STAU1: variants seen among roughly 807,000 people sequenced by gnomAD.
The protein encoded by STAU1 is double-stranded RNA-binding protein Staufen homolog 1.
In STAU1, 13 loss-of-function variants were observed where a neutral mutation model predicts 62.9. The ratio of observed to expected loss-of-function variants is 0.21; its 90% CI spans 0.13 to 0.33. STAU1 has a LOEUF of 0.33. Among genes scored for constraint, STAU1 ranks in the 10% least tolerant of loss-of-function variants. STAU1 has a pLI of 1.00. For synonymous variants in STAU1, 269 were observed against 265.1 expected, an observed-to-expected ratio of 1.01 and a Z score of -0.14; for missense variants, 571 against 712.1, an observed-to-expected ratio of 0.80 and a Z score of 2.25.
chr20:49,168,813 G>C (rs1050816542), intron 2 of STAU1, among the ~76,000 whole-genome samples: 2 of 152,176 alleles, frequency 1.3e-5, no homozygotes, highest in Non-Finnish European at 2.9e-5. Context: ...TTAGTGGATA[G>C]AGGAGCCAGG....
In STAU1 at chr20:49,153,888, G is replaced by GT. The variant is rs766373560; in HGVS notation, c.344+44dup. The GT allele has an allele frequency of 3.3e-6, 5 of 1,494,676 alleles. No individual in the cohort carries two copies. The South Asian group carries it at 5.3e-5, about 16-fold the overall frequency. The allele number at this position is 1,494,676 out of a possible 1,614,324, so 92.6% of individuals were successfully genotyped here. A position where few individuals can be genotyped will look rare whatever the true frequency, so the allele number is the denominator to read the frequency against. On this transcript the variant is annotated intron_variant, in intron 4 of 13. Coordinates refer to ENST00000371856, the MANE Select transcript of STAU1 (RefSeq NM_017453.4). ...CTGGTTTATGTAAAAGATCAGACAC[G>GT]TTTTCTCCTGTATTTTACAAAAAAA... is the stretch of plus-strand genomic sequence containing the variant.
At chr20:49,151,808 C>T (rs1334589359) in intron 4 of STAU1, 61 bp from the exon 5 acceptor site, 6 of 1,453,860 alleles carry the variant, frequency 4.1e-6, no homozygotes, top group African/African-American at 1.4e-5. Flanking sequence ...CCTATACACT[C>T]TCTGGCAAAT....
At chr20:49,177,312 G>A (rs969673624) in intron 1 of STAU1, among the ~76,000 whole-genome samples, 1 of 151,978 alleles carries the variant, frequency 6.6e-6, no homozygotes, top group African/African-American at 2.4e-5. Context: ...GAGGCAGGTG[G>A]ATCGCTTGAG....
chr20:49,201,738 T>C, the STAU1 span, among the ~76,000 whole-genome samples: 1 of 100,486 alleles, frequency 1.0e-5, no homozygotes, highest in Non-Finnish European at 2.0e-5. Context: ...CAAGACTCTG[T>C]CTCAAAAAAA....
chr20:49,120,718 T>C (rs1007489105), intron 8 of STAU1, among the ~76,000 whole-genome samples: 1 of 152,178 alleles, frequency 6.6e-6, no homozygotes, highest in African/African-American at 2.4e-5. Flanking sequence ...TCTTTGAAAA[T>C]TATCTAATTT....
At chr20:49,199,867 C>T in the STAU1 span, among the ~76,000 whole-genome samples, 1 of 152,094 alleles carries the variant, frequency 6.6e-6, no homozygotes, top group African/African-American at 2.4e-5. Flanking sequence ...AGCCACTGCA[C>T]CCGGCCATAT....
chr20:49,209,633 A>G, the STAU1 span, among the ~76,000 whole-genome samples: 1 of 152,078 alleles, frequency 6.6e-6, no homozygotes, highest in African/African-American at 2.4e-5. Context: ...AATCCTAGCT[A>G]CTTGAAGGCT....
chr20:49,150,549 G>A (rs1212910198), intron 5 of STAU1, among the ~76,000 whole-genome samples: 3 of 152,092 alleles, frequency 2.0e-5, no homozygotes, highest in Admixed American at 1.3e-4. Flanking sequence ...TTTTAGTAGA[G>A]ATGGGGTTTC....
chr20:49,194,431 AAAAAAAAAAAAAAAAAG>A, the STAU1 span, among the ~76,000 whole-genome samples: 1 of 57,122 alleles, frequency 1.8e-5, no homozygotes, highest in South Asian at 9.8e-4. Flanking sequence ...CTCCGTCTCA[AAAAAAAAAAAAAAAAAG>A]AAAAGAAAAA....
chr20:49,131,347 A>C (rs1463322945), intron 6 of STAU1, among the ~76,000 whole-genome samples: 1 of 152,186 alleles, frequency 6.6e-6, no homozygotes, highest in Non-Finnish European at 1.5e-5. Flanking sequence ...GTGAAATGTG[A>C]ATGTAGGATG....
intron 3 of STAU1, chr20:49,158,422 G>A (rs2093397421): frequency 7.7e-7 from 1 of 1,303,996 alleles, no homozygotes; most frequent in African/African-American, 1.5e-5. Flanking sequence ...TGCCTTAAGG[G>A]GTGAGGCAAC....
At chr20:49,215,214 TG>T in the STAU1 span, among the ~76,000 whole-genome samples, 1 of 152,218 alleles carries the variant, frequency 6.6e-6, no homozygotes. Flanking sequence ...AATCTTCATC[TG>T]AGCCTCTTTC....
In STAU1 at chr20:49,134,622, A is replaced by G. The variant is rs2092832819; in HGVS notation, c.609+1211T>C. The G allele has an allele frequency of 6.3e-6, 8 of 1,272,344 alleles. 1 individual carries two copies. The Admixed American group carries it at 6.8e-5, about 11-fold the overall frequency. 78.8% of individuals were successfully genotyped at this position (1,272,344 alleles called of 1,614,324 possible). A position where few individuals can be genotyped will look rare whatever the true frequency, so the allele number is the denominator to read the frequency against. ...GATATTGTGGATGAAGCCAACTATT[A>G]CTTCAAGGCCAATGTCTTCTTCAAA... On this transcript the variant is annotated intron_variant, in intron 6 of 13. Transcript: ENST00000371856.
intron 6 of STAU1, chr20:49,134,926 C>T (rs975098600): frequency 7.5e-6 from 12 of 1,595,694 alleles, no homozygotes; most frequent in South Asian, 3.3e-5. Flanking sequence ...AGGAAGTTTT[C>T]GACCCTAAGA....
chr20:49,141,284 T>C (rs1266774362), intron 5 of STAU1, among the ~76,000 whole-genome samples: 1 of 152,206 alleles, frequency 6.6e-6, no homozygotes, highest in African/African-American at 2.4e-5. Flanking sequence ...GGACTGTTTT[T>C]TTCTGTTTTA....
At chr20:49,195,418 G>T in the STAU1 span, among the ~76,000 whole-genome samples, 2 of 150,728 alleles carry the variant, frequency 1.3e-5, no homozygotes, top group Admixed American at 1.3e-4. Context: ...GGTGCCTGTA[G>T]TCCCAGCTAC....
chr20:49,174,024 A>G (rs2093629509), intron 2 of STAU1, among the ~76,000 whole-genome samples, 171 bp downstream of exon 2: 1 of 152,330 alleles, frequency 6.6e-6, no homozygotes, highest in East Asian at 1.9e-4. Flanking sequence ...CTTTTCCTGT[A>G]CTTACTTTCT....
At chr20:49,170,625 A>G (rs1264729880) in intron 2 of STAU1, among the ~76,000 whole-genome samples, 2 of 152,160 alleles carry the variant, frequency 1.3e-5, no homozygotes, top group Non-Finnish European at 2.9e-5. Context: ...AAGTGCTGGG[A>G]TTATAGACAT....
At chr20:49,206,751 A>ATATTTTTTTTTTTT in the STAU1 span, among the ~76,000 whole-genome samples, 2 of 95,036 alleles carry the variant, frequency 2.1e-5, no homozygotes, top group African/African-American at 8.6e-5. Context: ...ATATATATAT[A>ATATTTTTTTTTTTT]TTTTATTTTA....
Sources: gnomAD v4.1 joint callset for allele counts (sites outside exome capture counted in the v4.1 genomes callset) on GRCh38, gnomAD v4.1.1 for gene constraint, MANE v1.5 for transcripts, NCBI Gene and HGNC (gene_info 2026-07-23, HGNC 2026-07-21) for gene names.